DPF3: variants seen among roughly 807,000 people sequenced by gnomAD.
DPF3 encodes the protein zinc finger protein DPF3.
Under a neutral mutation model 56.8 loss-of-function variants are expected in DPF3, and 18 were observed. The ratio of observed to expected loss-of-function variants is 0.32; its 90% CI spans 0.22 to 0.47. DPF3 has a LOEUF of 0.47. Ranked by LOEUF, DPF3 falls within the 20% of genes least tolerant of loss-of-function variation. DPF3 has a pLI of 1.00. For synonymous variants in DPF3, 188 were observed against 180.2 expected (o/e 1.04, Z -0.35); for missense variants, 403 against 488.8 (o/e 0.82, Z 1.65).
intron 1 of DPF3, among the ~76,000 whole-genome samples, chr14:72,822,077 CA>C (rs1883571516): frequency 6.6e-6 from 1 of 152,152 alleles, no homozygotes; most frequent in Admixed American, 6.5e-5. Flanking sequence ...CTGTTAAAAA[CA>C]GGCCAGATCT....
intron 9 of DPF3, among the ~76,000 whole-genome samples, chr14:72,623,817 A>G (rs894008378): frequency 6.6e-6 from 1 of 152,228 alleles, no homozygotes; most frequent in Middle Eastern, 3.2e-3. Context: ...TAGCACCCAT[A>G]TTATGTTCTC....
rs115670087 is a variant in DPF3 at position 72,647,992 on chromosome 14, C to G, written c.872-18256G>C. 2.3e-3 allele frequency among the ~76,000 whole-genome samples: 345 copies of G among 152,296 alleles called. 3 individuals are homozygous for G. Among genetic ancestry groups the G allele is most frequent in the African/African-American group, 8.1e-3 (335 of 41,552 alleles). On this transcript the variant is annotated intron_variant, in intron 8 of 10. Transcript: ENST00000556509. The stretch of plus-strand genomic sequence containing the variant: ...ATCTTAGATTCCACATCCAGCCTTG[C>G]ACGTGTCTGCCTACCCCTCTACCCC...
intron 1 of DPF3, among the ~76,000 whole-genome samples, chr14:72,822,869 C>T (rs1012850940): frequency 6.6e-6 from 1 of 152,164 alleles, no homozygotes; most frequent in African/African-American, 2.4e-5. Flanking sequence ...ACAGGTTGAA[C>T]ATCCCAAATT....
intron 1 of DPF3, among the ~76,000 whole-genome samples, chr14:72,870,895 C>A (rs567688406): frequency 6.6e-6 from 1 of 152,302 alleles, no homozygotes; most frequent in Non-Finnish European, 1.5e-5. Context: ...GGCAACATGG[C>A]AAAACCCTGT....
intron 4 of DPF3, among the ~76,000 whole-genome samples, chr14:72,730,993 C>T (rs112706838): frequency 4.9e-4 from 74 of 152,134 alleles, no homozygotes; most frequent in African/African-American, 1.6e-3. Flanking sequence ...TATGGTGAAA[C>T]CCCATCTCTA....
At chr14:72,717,915 A>T (rs554657390) in intron 5 of DPF3, among the ~76,000 whole-genome samples, 1 of 152,314 alleles carries the variant, frequency 6.6e-6, no homozygotes, top group East Asian at 1.9e-4. Context: ...CATGGCAGCC[A>T]TGAGTGTACC....
chr14:72,645,477 T>G (rs1267968793), intron 8 of DPF3, among the ~76,000 whole-genome samples: 2 of 152,046 alleles, frequency 1.3e-5, no homozygotes, highest in Admixed American at 1.3e-4. Flanking sequence ...TGTGCCACCA[T>G]GCCTGGCTAA....
At chr14:72,710,745 T>A (rs533300204) in intron 6 of DPF3, among the ~76,000 whole-genome samples, 1 of 152,344 alleles carries the variant, frequency 6.6e-6, no homozygotes, top group South Asian at 2.1e-4. Flanking sequence ...GTTGCTTTTT[T>A]TGTGCATAAG....
intron 8 of DPF3, among the ~76,000 whole-genome samples, chr14:72,647,377 G>A (rs1885757488): frequency 6.6e-6 from 1 of 152,196 alleles, no homozygotes; most frequent in South Asian, 2.1e-4. Flanking sequence ...ATACTGGCCT[G>A]TATCCAGGCA....
Position 72,619,344 on chromosome 14 carries a change from A to C in DPF3, c.1090T>G (p.Trp364Gly). The stretch of plus-strand genomic sequence containing the variant: ...GAGGCTTTCTCTTTGAGCAGTTCCC[A>C]GCATAAGTGGCAGCTCCAGCTTCCT... ...PEGSWSCHLC[W>G]ELLKEKASAF... The change falls in exon 11 of 11, where the codon TGG becomes GGG. Residue 364 changes from tryptophan to glycine, a missense_variant. Physicochemically the swap from Trp to Gly is radical, Grantham distance 184. Coordinates refer to ENST00000556509, the MANE Select transcript of DPF3 (RefSeq NM_001280542.3). The C allele has an allele frequency of 6.5e-7, 1 of 1,536,162 alleles. No homozygotes were observed.
In DPF3 at chr14:72,667,001, C is replaced by G. The variant is rs117868037; in HGVS notation, c.871+7239G>C. 6.9e-4 allele frequency among the ~76,000 whole-genome samples: 105 copies of G among 152,240 alleles called. 1 individual carries two copies. The East Asian group carries it at 0.02, about 28-fold the overall frequency. On this transcript the variant is annotated intron_variant, in intron 8 of 10. Coordinates refer to ENST00000556509, the MANE Select transcript of DPF3 (RefSeq NM_001280542.3). ...CCCCCAAACACCCTTTAGTTCTCTC[C>G]CTGAGTAATGATCTTGCATTCCCTC...
intron 1 of DPF3, among the ~76,000 whole-genome samples, chr14:72,841,722 A>G (rs1274449004): frequency 6.6e-6 from 1 of 152,170 alleles, no homozygotes; most frequent in Non-Finnish European, 1.5e-5. Context: ...TATGGCTCAC[A>G]TGCATGAGAG....
At chr14:72,872,371 C>T (rs1407938165) in intron 1 of DPF3, among the ~76,000 whole-genome samples, 1 of 152,234 alleles carries the variant, frequency 6.6e-6, no homozygotes, top group Non-Finnish European at 1.5e-5. Flanking sequence ...CTGCAGCCGA[C>T]TTGAATTTCT....
Position 72,674,300 on chromosome 14 carries a change from T to C in DPF3, c.811A>G (p.Met271Val), listed in dbSNP as rs1411834661. ...TCAGGCCGCCCACTCTTCTTGTTCATGTTGGAGCCCCCCAAGCAGAAGTCA... is the reference window on the plus strand; with the variant it reads ...TCAGGCCGCCCACTCTTCTTGTTCACGTTGGAGCCCCCCAAGCAGAAGTCA... ...YCDFCLGGSN[M>V]NKKSGRPEEL... The change falls in exon 8 of 11, where the codon ATG (methionine) becomes GTG (valine). Residue 271 changes from methionine (M) to valine (V), a missense_variant. By Grantham distance (21) the Met-to-Val change is conservative. Around this residue, in one of 2 missense-constraint regions of DPF3, gnomAD observed 340 missense variants for 374.3 expected, o/e 0.91. Transcript: ENST00000556509. 6.2e-7 allele frequency: 1 copy of C among 1,612,700 alleles called. No homozygotes were observed. The highest frequency in any genetic ancestry group is 8.5e-7 in the Non-Finnish European group (1 of 1,179,490).
At chr14:72,770,060 C>G (rs1246988937) in intron 2 of DPF3, among the ~76,000 whole-genome samples, 1 of 152,032 alleles carries the variant, frequency 6.6e-6, no homozygotes, top group Admixed American at 6.5e-5. Flanking sequence ...CTTTTTGCAA[C>G]CCTTAATGGG....
At chr14:72,848,267 G>T (rs10151431) in intron 1 of DPF3, among the ~76,000 whole-genome samples, 86,298 of 151,872 alleles carry the variant, frequency 0.57, 25,680 homozygotes, top group East Asian at 0.88. Flanking sequence ...GGGTTCAAGC[G>T]ATTCTCCTGC....
intron 1 of DPF3, among the ~76,000 whole-genome samples, chr14:72,881,585 G>A (rs193138933): frequency 6.6e-6 from 1 of 152,288 alleles, no homozygotes; most frequent in Non-Finnish European, 1.5e-5. Flanking sequence ...GGTGATTCAG[G>A]AAGAACAAAT....
chr14:72,761,459 T>C (rs1335266560), intron 2 of DPF3, among the ~76,000 whole-genome samples: 1 of 152,006 alleles, frequency 6.6e-6, no homozygotes, highest in Non-Finnish European at 1.5e-5. Flanking sequence ...AACAATACAG[T>C]TCTAAATAAT....
intron 9 of DPF3, among the ~76,000 whole-genome samples, chr14:72,628,620 G>A (rs561341420): frequency 9.9e-5 from 15 of 151,970 alleles, no homozygotes; most frequent in Non-Finnish European, 2.2e-4. Context: ...CACCATCTAT[G>A]AAGTAGTCTT....
Sources: allele counts gnomAD v4.1 joint callset (sites outside exome capture counted in the v4.1 genomes callset), GRCh38; gene constraint gnomAD v4.1.1; regional missense constraint gnomAD v4.1.1; transcripts MANE v1.5; gene names NCBI Gene and HGNC (gene_info 2026-07-23, HGNC 2026-07-21).